DOCK5: variants seen among roughly 807,000 people sequenced by gnomAD.
DOCK5 encodes the protein dedicator of cytokinesis protein 5.
In DOCK5, 142 loss-of-function variants were observed where a neutral mutation model predicts 251.8. That is an observed-to-expected ratio of 0.56 (90% CI 0.49 to 0.65). DOCK5 has a LOEUF of 0.65. Among genes scored for constraint, DOCK5 ranks in the 30% least tolerant of loss-of-function variants. The probability of loss-of-function intolerance (pLI) is 0.00; values close to 1 mark genes in which losing one functional copy is unlikely to be tolerated. For synonymous variants in DOCK5, 842 were observed against 835.5 expected (o/e 1.01, Z -0.13); for missense variants, 2,111 against 2,312.3 (o/e 0.91, Z 1.79).
intron 26 of DOCK5, among the ~76,000 whole-genome samples, chr8:25,346,163 T>A (rs1252349454): frequency 2.0e-5 from 3 of 150,856 alleles, no homozygotes; most frequent in Non-Finnish European, 1.5e-5. Flanking sequence ...GTGACTATTC[T>A]TAAGAATCAA....
At chr8:25,276,825 CAG>C (rs1331353658) in intron 4 of DOCK5, 1 of 152,136 alleles carries the variant, frequency 6.6e-6, no homozygotes, top group Non-Finnish European at 1.5e-5. Context: ...AAATTGGTAA[CAG>C]ATATTCCTCC....
In DOCK5 at chr8:25,306,031, A is replaced by C. The variant is rs530690527; in HGVS notation, c.1049+1704A>C. 2.7e-4 allele frequency among the ~76,000 whole-genome samples: 41 copies of C among 152,324 alleles called. 1 individual carries two copies. In the South Asian group the frequency reaches 8.5e-3, roughly 32 times the overall value. On this transcript the variant is annotated intron_variant, in intron 11 of 51. Transcript: ENST00000276440. ...GACCAGTTTCTAAACATAATAGTGC[A>C]AATAGCCCATGCTAAGTAGTACTTG...
At chr8:25,292,201 G>T in intron 6 of DOCK5, 29 bp downstream of exon 6, 1 of 1,533,656 alleles carries the variant, frequency 6.5e-7, no homozygotes. Flanking sequence ...GCTTTTCACT[G>T]AAAACTTGGC....
rs34216387 is a variant in DOCK5 at position 25,356,907 on chromosome 8, T to TTA, written c.2851-2018_2851-2017dup. 5.2e-3 allele frequency among the ~76,000 whole-genome samples: 684 copies of TTA among 131,240 alleles called. 1 individual carries two copies. The highest frequency in any genetic ancestry group is 7.2e-3 in the Non-Finnish European group (448 of 62,004). 86.1% of individuals were successfully genotyped at this position (131,240 alleles called of 152,430 possible). A position where few individuals can be genotyped will look rare whatever the true frequency, so the allele number is the denominator to read the frequency against. ...AATTTTAAATCCCTCTATATGAAGATTATATATATATATATATATATATAT... is the reference window on the plus strand; with the variant it reads ...AATTTTAAATCCCTCTATATGAAGATTATATATATATATATATATATATATAT... On this transcript the variant is annotated intron_variant, in intron 27 of 51. Transcript: ENST00000276440.
chr8:25,214,628 C>G (rs1802187028), intron 1 of DOCK5, among the ~76,000 whole-genome samples: 1 of 152,170 alleles, frequency 6.6e-6, no homozygotes. Flanking sequence ...ACCCCCAAGC[C>G]CCACTGCCAC....
intron 28 of DOCK5, among the ~76,000 whole-genome samples, chr8:25,361,727 A>G (rs929690827): frequency 2.0e-5 from 3 of 152,202 alleles, no homozygotes; most frequent in African/African-American, 7.2e-5. Flanking sequence ...CCATAAAACC[A>G]GGGGAGAATC....
chr8:25,205,181 AG>A (rs1046460288), intron 1 of DOCK5, among the ~76,000 whole-genome samples: 1 of 152,060 alleles, frequency 6.6e-6, no homozygotes, highest in African/African-American at 2.4e-5. Context: ...TACAGGTGTC[AG>A]CCCCTGTGCC....
chr8:25,383,791 G>T (rs908903397), intron 40 of DOCK5, among the ~76,000 whole-genome samples: 1 of 151,802 alleles, frequency 6.6e-6, no homozygotes, highest in African/African-American at 2.4e-5. Flanking sequence ...GGAGGTGGAG[G>T]TTGCATTGAG....
At chr8:25,347,527 G>A (rs899852787) in intron 26 of DOCK5, among the ~76,000 whole-genome samples, 7 of 152,092 alleles carry the variant, frequency 4.6e-5, no homozygotes, top group Non-Finnish European at 1.0e-4. Context: ...GACCAATCAC[G>A]TCATAAACTC....
chr8:25,184,984 C>A, intron 1 of DOCK5, 33 bp downstream of exon 1: 1 of 1,338,894 alleles, frequency 7.5e-7, no homozygotes, highest in Non-Finnish European at 9.7e-7. Flanking sequence ...CCCGGCCCGA[C>A]CCACGCGGCC....
In DOCK5 at chr8:25,342,441, C is replaced by T; in HGVS notation, c.2551C>T (p.Gln851Ter). Reference sequence around the variant, plus strand: ...ATTCATTCAAAGCATTCCTGACAACCAGCTGGTTCGGCAGAAACTTAACTG... The same window carrying T: ...ATTCATTCAAAGCATTCCTGACAACTAGCTGGTTCGGCAGAAACTTAACTG... ...CKFIQSIPDN[Q>*]LVRQKLNCMT... Residue 851 changes from glutamine to a stop codon, truncating the protein, a stop_gained, in exon 25 of 52, where the codon CAG becomes TAG. Transcript: ENST00000276440. LOFTEE classifies it high-confidence loss of function. 6.2e-7 allele frequency: 1 copy of T among 1,601,598 alleles called. No homozygotes were observed. The highest frequency in any genetic ancestry group is 8.5e-7 in the Non-Finnish European group (1 of 1,173,154).
chr8:25,393,500 A>G (rs1801296158), intron 44 of DOCK5, among the ~76,000 whole-genome samples: 1 of 152,130 alleles, frequency 6.6e-6, no homozygotes, highest in Non-Finnish European at 1.5e-5. Context: ...CCTCCTTAGC[A>G]CACACACGTA....
chr8:25,399,210 A>G (rs1801396045), intron 45 of DOCK5, among the ~76,000 whole-genome samples: 1 of 152,174 alleles, frequency 6.6e-6, no homozygotes, highest in South Asian at 2.1e-4. Context: ...AGTACCCTAT[A>G]TAAGGCCTGT....
intron 51 of DOCK5, among the ~76,000 whole-genome samples, chr8:25,410,939 ATG>A (rs763758410): frequency 0.041 from 4,146 of 102,106 alleles, 188 homozygotes; most frequent in African/African-American, 0.11. Context: ...GAGAGAGAAA[ATG>A]TGTGTGTGTG....
intron 6 of DOCK5, among the ~76,000 whole-genome samples, chr8:25,296,285 T>C (rs1403240411): frequency 6.6e-6 from 1 of 152,216 alleles, no homozygotes; most frequent in African/African-American, 2.4e-5. Flanking sequence ...CTATGGACCA[T>C]ATTTGCATAT....
chr8:25,302,612 A>G (rs763162111), intron 10 of DOCK5, among the ~76,000 whole-genome samples, 158 bp downstream of exon 10: 62 of 152,194 alleles, frequency 4.1e-4, no homozygotes, highest in Non-Finnish European at 7.1e-4. Flanking sequence ...TTGTGCATCC[A>G]TGTTTGTAGC....
chr8:25,407,864 CAAAAAA>C (rs10606113), intron 48 of DOCK5, 113 bp from the exon 49 acceptor site: 53,695 of 941,140 alleles, frequency 0.057, 2 homozygotes, highest in South Asian at 0.09. Flanking sequence ...GACCCTGTCT[CAAAAAA>C]AAAAAAAAAA....
intron 2 of DOCK5, among the ~76,000 whole-genome samples, chr8:25,255,639 G>A (rs1164587616): frequency 3.3e-5 from 5 of 152,118 alleles, no homozygotes; most frequent in African/African-American, 1.2e-4. Flanking sequence ...CCCATAGAAG[G>A]CACAACACCA....
chr8:25,271,328 G>A (rs1030928015), intron 3 of DOCK5: 1 of 152,434 alleles, frequency 6.6e-6, no homozygotes, highest in Non-Finnish European at 1.5e-5. Context: ...CAAGGGACAT[G>A]CATTTATTTG....
Sources: allele counts gnomAD v4.1 joint callset (sites outside exome capture counted in the v4.1 genomes callset), GRCh38; gene constraint gnomAD v4.1.1; transcripts MANE v1.5; gene names NCBI Gene and HGNC (gene_info 2026-07-23, HGNC 2026-07-21).